Variants in ZFC3H1 observed in about 807,000 individuals in gnomAD.
ZFC3H1 encodes zinc finger C3H1 domain-containing protein.
ZFC3H1 carries 71 observed loss-of-function variants against 243.7 expected under a neutral mutation model. The observed-to-expected ratio is 0.29, with a 90% CI of 0.24 to 0.36. ZFC3H1 has a LOEUF of 0.36. ZFC3H1 is among the 10% of genes least tolerant of loss of function. The probability of loss-of-function intolerance (pLI) is 1.00; values close to 1 mark genes in which losing one functional copy is unlikely to be tolerated. For synonymous variants in ZFC3H1, 838 were observed against 813.0 expected (o/e 1.03, Z -0.52); for missense variants, 1,966 against 2,317.1 (o/e 0.85, Z 3.11).
At position 71,627,815 on chromosome 12, in the gene ZFC3H1, C is replaced by G; in HGVS notation, c.4066G>C (p.Glu1356Gln). Residue 1356 changes from glutamate (E) to glutamine (Q), a missense_variant, in exon 21 of 35, where the codon GAA becomes CAA. Glu to Gln is a conservative substitution (Grantham distance 29). Around this residue, in one of 4 missense-constraint regions of ZFC3H1, gnomAD observed 1,383 missense variants for 1,723.7 expected, o/e 0.80. Coordinates refer to ENST00000378743, the MANE Select transcript of ZFC3H1 (RefSeq NM_144982.5). ...DIANLEASVLENPSHVQLWLK... is the reference protein window; with the variant it reads ...DIANLEASVLQNPSHVQLWLK... ...CAAAGTTGTACATGAGAAGGATTTTCAAGCACACTTGCTTCTAAATTAGCG... is the reference window on the plus strand; with the variant it reads ...CAAAGTTGTACATGAGAAGGATTTTGAAGCACACTTGCTTCTAAATTAGCG... 1.2e-6 allele frequency: 2 copies of G among 1,613,824 alleles called. No homozygotes were observed. The highest frequency in any genetic ancestry group is 1.7e-6 in the Non-Finnish European group (2 of 1,179,882).
chr12:71,645,152 T>C lies in ZFC3H1; in HGVS notation c.1081-77A>G, dbSNP rs777742551. 43 of 1,388,400 alleles carry C rather than the reference T, an allele frequency of 3.1e-5. 1 individual carries two copies. The highest frequency in any genetic ancestry group is 2.6e-4 in the Middle Eastern group (1 of 3,872). 86.0% of individuals were successfully genotyped at this position (1,388,400 alleles called of 1,614,324 possible). The stretch of plus-strand genomic sequence containing the variant: ...ACACATTTCATCAAGTCAAATCCTT[T>C]ATGATAAAAATTTGAAGTGTGAAGG... On this transcript the variant is annotated intron_variant, in intron 3 of 34. Coordinates refer to ENST00000378743, the MANE Select transcript of ZFC3H1 (RefSeq NM_144982.5).
chr12:71,635,681 T>G (rs988998018), intron 9 of ZFC3H1, 101 bp from the exon 10 acceptor site: 1 of 1,189,550 alleles, frequency 8.4e-7, no homozygotes, highest in Non-Finnish European at 1.1e-6. Context: ...GTAGACAGTC[T>G]ATGGCTCCTT....
Position 71,629,229 on chromosome 12 carries a change from G to A in ZFC3H1, c.3827-192C>T, listed in dbSNP as rs549059468. On this transcript the variant is annotated intron_variant, in intron 19 of 34. Coordinates refer to ENST00000378743, the MANE Select transcript of ZFC3H1 (RefSeq NM_144982.5). ...TGGAGTGCAGTGAGTGCAGTGGCGCGATCTCAGCTCACTGCAACCTCCGCC... is the reference window on the plus strand; with the variant it reads ...TGGAGTGCAGTGAGTGCAGTGGCGCAATCTCAGCTCACTGCAACCTCCGCC... 2.7e-5 allele frequency among the ~76,000 whole-genome samples: 4 copies of A among 150,316 alleles called. 1 individual carries two copies. Among genetic ancestry groups the A allele is most frequent in the South Asian group, 4.2e-4 (2 of 4,732 alleles).
In ZFC3H1 at chr12:71,620,260, G is replaced by A; in HGVS notation, c.4800C>T (p.Ala1600=). The change falls in exon 25 of 35, where the codon GCC becomes GCT. Residue 1600 remains alanine (A), a synonymous_variant. Transcript: ENST00000378743. ...ESLAVEERIE[A]CLPLYTNMIA... ...TCATGTTTGTGTAAAGTGGAAGGCA[G>A]GCCTCTATTCTTTCCTCAACAGCAA... The A allele has an allele frequency of 6.2e-7, 1 of 1,614,158 alleles. No homozygotes were observed. The highest frequency in any genetic ancestry group is 2.2e-5 in the East Asian group (1 of 44,876).
Position 71,626,284 on chromosome 12 carries a change from A to T in ZFC3H1, c.4293T>A (p.Ala1431=), listed in dbSNP as rs759408042. 1 of 1,613,836 alleles carries T rather than the reference A, an allele frequency of 6.2e-7. No individual in the cohort carries two copies. The highest frequency in any genetic ancestry group is 1.1e-5 in the South Asian group (1 of 91,066). The stretch of plus-strand genomic sequence containing the variant: ...CAGTCCAAAAGCTTTGATAATCTGG[A>T]GCATATTCAACAGCTGTTTCACACA... ...QEMCETAVEY[A]PDYQSFWTFL... The change falls in exon 22 of 35, where the codon GCT becomes GCA. Residue 1431 remains alanine, a synonymous_variant. Transcript: ENST00000378743.
rs774789512 is a variant in ZFC3H1 at position 71,656,939 on chromosome 12, T to C, written c.961A>G (p.Lys321Glu). ...PGDKNRLKKV[K>E]DGAKPLSLKS... ...AGGGAAAGTGGTTTTGCTCCATCTT[T>C]AACTTTTTTCAAACGGTTCTTATCT... Residue 321 changes from lysine to glutamate, a missense_variant, in exon 2 of 35, where the codon AAA becomes GAA. By Grantham distance (56) the Lys-to-Glu change is moderately conservative. This residue lies in a region of ZFC3H1 where 484 missense variants were observed against 449.7 expected (regional missense o/e 1.08). Coordinates refer to ENST00000378743, the MANE Select transcript of ZFC3H1 (RefSeq NM_144982.5). The C allele has an allele frequency of 1.9e-6, 3 of 1,613,830 alleles. No homozygotes were observed. Among genetic ancestry groups the C allele is most frequent in the East Asian group, 4.5e-5 (2 of 44,818 alleles).
rs925476119 is a variant in ZFC3H1, at chr12:71,632,323, C to T, written c.3009G>A (p.Glu1003=). The T allele has an allele frequency of 3.1e-6, 5 of 1,613,720 alleles. No homozygotes were observed. Among genetic ancestry groups the T allele is most frequent in the Non-Finnish European group, 3.4e-6 (4 of 1,179,866 alleles). The change falls in exon 15 of 35, where the codon GAG becomes GAA. Residue 1003 remains glutamate (E), a synonymous_variant. Coordinates refer to ENST00000378743, the MANE Select transcript of ZFC3H1 (RefSeq NM_144982.5). ...GTTGAGGTAAAGAAAATTCGGGTTC[C>T]TCTTCCACAACTGGAGAGATATTTT... ...EQQNISPVVE[E]EPEFSLPQPS...
intron 1 of ZFC3H1, among the ~76,000 whole-genome samples, chr12:71,659,862 T>C (rs1881119336): frequency 6.6e-6 from 1 of 152,210 alleles, no homozygotes. Flanking sequence ...TTTTTACTGA[T>C]GAGAGACACT....
chr12:71,652,366 T>C (rs1880911376), intron 2 of ZFC3H1, among the ~76,000 whole-genome samples: 1 of 152,180 alleles, frequency 6.6e-6, no homozygotes, highest in African/African-American at 2.4e-5. Context: ...TTCAAATTCT[T>C]TAGCAAAATA....
chr12:71,636,747 C>A, intron 8 of ZFC3H1, 93 bp from the exon 9 acceptor site: 3 of 1,555,514 alleles, frequency 1.9e-6, no homozygotes, highest in South Asian at 1.2e-5. Flanking sequence ...ATTATCCCCA[C>A]TTTGCTGAAA....
intron 10 of ZFC3H1, 130 bp from the exon 11 acceptor site, chr12:71,634,955 T>G (rs563946765): frequency 5.4e-6 from 6 of 1,118,682 alleles, no homozygotes; most frequent in Non-Finnish European, 7.2e-6. Context: ...GTCATCATTT[T>G]CTATTCTTTT....
At chr12:71,611,174 C>A in intron 32 of ZFC3H1, 77 bp from the exon 33 acceptor site, 1 of 1,378,264 alleles carries the variant, frequency 7.3e-7, no homozygotes, top group Non-Finnish European at 9.6e-7. Context: ...AAATGAAACA[C>A]CACCACTGGC....
At chr12:71,654,958 C>A (rs548925526) in intron 2 of ZFC3H1, among the ~76,000 whole-genome samples, 1 of 152,192 alleles carries the variant, frequency 6.6e-6, no homozygotes, top group Non-Finnish European at 1.5e-5. Flanking sequence ...CATAATGACT[C>A]AATTACCCAC....
chr12:71,619,196 G>T, intron 27 of ZFC3H1, 119 bp downstream of exon 27: 2 of 733,588 alleles, frequency 2.7e-6, no homozygotes, highest in Non-Finnish European at 4.4e-6. Flanking sequence ...TCTGTTAAGT[G>T]GGTATTCAAG....
intron 2 of ZFC3H1, chr12:71,656,512 A>C: frequency 1.5e-6 from 1 of 660,412 alleles, no homozygotes; most frequent in Non-Finnish European, 2.7e-6. Flanking sequence ...TCACGCTGAA[A>C]ATTTCAAACC....
intron 6 of ZFC3H1, among the ~76,000 whole-genome samples, 171 bp from the exon 7 acceptor site, chr12:71,638,686 T>A (rs151274208): frequency 8.5e-4 from 129 of 152,246 alleles, no homozygotes; most frequent in African/African-American, 3.1e-3. Context: ...CCATTTAAAA[T>A]TGTCATATCA....
At position 71,637,051 on chromosome 12, in the gene ZFC3H1, T is replaced by A. The variant is rs1038857525; in HGVS notation, c.1734A>T (p.Pro578=). 6.2e-7 allele frequency: 1 copy of A among 1,602,978 alleles called. No individual in the cohort carries two copies. The highest frequency in any genetic ancestry group is 8.5e-7 in the Non-Finnish European group (1 of 1,177,050). ...CTTCCACATAAGGCTGGCTCAAAGG[T>A]GGCAGAGACTATTTTTTAAAAAAAG... ...LPPPPQVSSL[P]PLSQPYVEGL... The change falls in exon 8 of 35, where the codon CCA becomes CCT. Residue 578 remains proline (P), a synonymous_variant. Transcript: ENST00000378743.
intron 1 of ZFC3H1, among the ~76,000 whole-genome samples, chr12:71,661,534 G>C (rs1592606882): frequency 6.8e-6 from 1 of 146,492 alleles, no homozygotes; most frequent in African/African-American, 2.5e-5. Context: ...CCAGGATGGA[G>C]TGCAGTGGTG....
chr12:71,617,875 A>C (rs1363917046), intron 27 of ZFC3H1, among the ~76,000 whole-genome samples: 1 of 152,352 alleles, frequency 6.6e-6, no homozygotes, highest in East Asian at 1.9e-4. Context: ...TCGCTATGGC[A>C]ATAAACTGGC....
Sources: gnomAD v4.1 joint callset for allele counts (sites outside exome capture counted in the v4.1 genomes callset) on GRCh38, gnomAD v4.1.1 for gene constraint, gnomAD v4.1.1 regional missense constraint, MANE v1.5 for transcripts, NCBI Gene and HGNC (gene_info 2026-07-23, HGNC 2026-07-21) for gene names.